GOLGA4: variants seen among roughly 807,000 people sequenced by gnomAD.
GOLGA4 encodes the protein golgin A4, also known as golgin subfamily A member 4.
In GOLGA4, 169 loss-of-function variants were observed where a neutral mutation model predicts 265.9. The observed-to-expected ratio is 0.64, with a 90% confidence interval of 0.56 to 0.72. GOLGA4 has a LOEUF of 0.72. GOLGA4 is among the 30% of genes least tolerant of loss of function. The pLI, the probability that GOLGA4 is intolerant of heterozygous loss-of-function variation, is 0.00. For synonymous variants in GOLGA4, 923 were observed against 855.8 expected (o/e 1.08, Z -1.37); for missense variants, 2,482 against 2,483.4 (o/e 1.00, Z 0.01).
chr3:37,312,062 T>C (rs2096924521), intron 10 of GOLGA4, among the ~76,000 whole-genome samples: 1 of 152,254 alleles, frequency 6.6e-6, no homozygotes, highest in Non-Finnish European at 1.5e-5. Context: ...ATTTAAACTC[T>C]TATTTTGCTG....
chr3:37,362,233 AT>A (rs1418209922), intron 23 of GOLGA4, among the ~76,000 whole-genome samples: 4,743 of 46,704 alleles, frequency 0.1, 235 homozygotes, highest in African/African-American at 0.18. Context: ...TTATTTATTT[AT>A]TTATTATTTT....
At chr3:37,290,760 T>A (rs960941967) in intron 5 of GOLGA4, among the ~76,000 whole-genome samples, 1 of 152,152 alleles carries the variant, frequency 6.6e-6, no homozygotes, top group East Asian at 1.9e-4. Context: ...CTCAGAAAAG[T>A]ATGCATGGGG....
intron 2 of GOLGA4, among the ~76,000 whole-genome samples, chr3:37,274,163 T>G (rs1271910924): frequency 6.6e-6 from 1 of 151,716 alleles, no homozygotes; most frequent in Non-Finnish European, 1.5e-5. Flanking sequence ...TGAAAAACTG[T>G]GATCTGAGTT....
intron 1 of GOLGA4, among the ~76,000 whole-genome samples, chr3:37,245,631 T>C (rs1403652586): frequency 6.6e-6 from 1 of 152,204 alleles, no homozygotes; most frequent in African/African-American, 2.4e-5. Flanking sequence ...AATAAGCTAG[T>C]CACAAACTAA....
rs756842123 is a variant in GOLGA4, at chr3:37,325,982, A to G, written c.4096A>G (p.Lys1366Glu). The change falls in exon 14 of 24, where the codon AAA (lysine) becomes GAA (glutamate). Residue 1366 changes from lysine to glutamate, a missense_variant. By Grantham distance (56) the Lys-to-Glu change is moderately conservative (BLOSUM62 1). This residue lies in a region of GOLGA4 where 942 missense variants were observed against 983.1 expected (regional missense o/e 0.96). Coordinates refer to ENST00000361924, the MANE Select transcript of GOLGA4 (RefSeq NM_002078.5). ...GATGAAAGAAGAGCTTAAAGAAAAA[A>G]AAGTTGAGATTAGCAGTCTTAGTAA... ...TLMKEELKEK[K>E]VEISSLSKQL... is the part of the protein sequence containing the mutation. The G allele has an allele frequency of 6.2e-7, 1 of 1,612,866 alleles. No individual in the cohort carries two copies. The highest frequency in any genetic ancestry group is 8.5e-7 in the Non-Finnish European group (1 of 1,179,340).
At chr3:37,295,285 A>G (rs1303677401) in intron 6 of GOLGA4, among the ~76,000 whole-genome samples, 1 of 152,136 alleles carries the variant, frequency 6.6e-6, no homozygotes, top group African/African-American at 2.4e-5. Flanking sequence ...TGGCGTGATC[A>G]TAGCTTAACT....
intron 6 of GOLGA4, among the ~76,000 whole-genome samples, chr3:37,295,750 G>C (rs1162179349): frequency 6.6e-6 from 1 of 152,146 alleles, no homozygotes; most frequent in Non-Finnish European, 1.5e-5. Flanking sequence ...CAACCAACTG[G>C]ATCAGAAATA....
chr3:37,323,273 C>CA (rs922189478), intron 13 of GOLGA4, among the ~76,000 whole-genome samples: 5 of 151,950 alleles, frequency 3.3e-5, no homozygotes, highest in African/African-American at 1.2e-4. Context: ...ACTACAGCCG[C>CA]ATGCTACCAT....
In GOLGA4 at chr3:37,325,043, C is replaced by T; in HGVS notation, c.3157C>T (p.Gln1053Ter). The T allele has an allele frequency of 6.2e-7, 1 of 1,612,784 alleles. No individual in the cohort carries two copies. The highest frequency in any genetic ancestry group is 8.5e-7 in the Non-Finnish European group (1 of 1,179,598). Residue 1053 changes from glutamine (Q) to a stop codon, truncating the protein, a stop_gained, in exon 14 of 24, where the codon CAG becomes TAG. Transcript: ENST00000361924. LOFTEE classifies it high-confidence loss of function. Reference protein sequence around the residue: ...VISIWEKKLNQQAEELQEIHE... With the variant: ...VISIWEKKLN ...ATCAATCTGGGAAAAGAAACTTAAT[C>T]AGCAAGCTGAAGAACTTCAGGAAAT...
chr3:37,320,746 CT>C (rs1388340603), intron 12 of GOLGA4, among the ~76,000 whole-genome samples: 2 of 152,120 alleles, frequency 1.3e-5, no homozygotes, highest in African/African-American at 4.8e-5. Context: ...GGTAACTGAC[CT>C]TTGGGGACAC....
chr3:37,293,573 G>GAAGT (rs1328575666), intron 5 of GOLGA4, among the ~76,000 whole-genome samples: 3 of 152,200 alleles, frequency 2.0e-5, no homozygotes, highest in Non-Finnish European at 4.4e-5. Context: ...GGGAACTAGT[G>GAAGT]AAGTATAGGA....
At chr3:37,321,683 C>T in intron 12 of GOLGA4, 48 bp from the exon 13 acceptor site, 1 of 1,530,500 alleles carries the variant, frequency 6.5e-7, no homozygotes, top group Non-Finnish European at 8.9e-7. Context: ...TTTGCGAATG[C>T]TGAAGATTTA....
At position 37,349,922 on chromosome 3, in the gene GOLGA4, C is replaced by T. The variant is rs190850903; in HGVS notation, c.6576+2626C>T. On this transcript the variant is annotated intron_variant, in intron 21 of 23. Transcript: ENST00000361924. ...AAAAGAAGACTATATATAGTACATA[C>T]GTTCTTGTAGTATGGAGTTAAGTAA... Among the ~76,000 whole-genome samples the T allele has an allele frequency of 6.8e-4, 103 of 152,232 alleles. 1 individual carries two copies. Among genetic ancestry groups the T allele is most frequent in the Non-Finnish European group, 4.4e-5 (3 of 67,996 alleles).
At chr3:37,335,014 TTTTC>T in intron 16 of GOLGA4, 35 bp from the exon 17 acceptor site, 1 of 1,310,124 alleles carries the variant, frequency 7.6e-7, no homozygotes, top group Non-Finnish European at 1.1e-6. Flanking sequence ...TGCTTCTTTT[TTTTC>T]TTTTCCTTTT....
At chr3:37,315,314 C>G (rs1418551956) in intron 10 of GOLGA4, 106 bp from the exon 11 acceptor site, 1 of 901,826 alleles carries the variant, frequency 1.1e-6, no homozygotes, top group Non-Finnish European at 1.7e-6. Context: ...AGTTTTTTAA[C>G]CTATCCTGCT....
At position 37,325,847 on chromosome 3, in the gene GOLGA4, G is replaced by T. The variant is rs1352742147; in HGVS notation, c.3961G>T (p.Glu1321Ter). 1 of 1,613,452 alleles carries T rather than the reference G, an allele frequency of 6.2e-7. No individual in the cohort carries two copies. The highest frequency in any genetic ancestry group is 2.2e-5 in the East Asian group (1 of 44,836). ...TATTGAAAGTCTTGTAACAGAAAAA[G>T]AAGCCTTACAGAAGGAAGGAGGCAA... ...ADIESLVTEK[E>*]ALQKEGGNQQ... Residue 1321 changes from glutamate (E) to a stop codon, truncating the protein, a stop_gained, in exon 14 of 24, where the codon GAA (glutamate) becomes TAA (stop). Coordinates refer to ENST00000361924, the MANE Select transcript of GOLGA4 (RefSeq NM_002078.5). LOFTEE classifies it high-confidence loss of function.
chr3:37,248,680 G>A (rs1216108835), intron 1 of GOLGA4, among the ~76,000 whole-genome samples: 3 of 152,204 alleles, frequency 2.0e-5, no homozygotes, highest in Admixed American at 1.3e-4. Flanking sequence ...CTTTTCTAGG[G>A]AGAGTATGTT....
At chr3:37,357,693 T>TG (rs2097094252) in intron 22 of GOLGA4, among the ~76,000 whole-genome samples, 4 of 152,192 alleles carry the variant, frequency 2.6e-5, no homozygotes, top group Admixed American at 1.3e-4. Flanking sequence ...CCATCATTCA[T>TG]AAAATGAGCA....
At position 37,341,125 on chromosome 3, in the gene GOLGA4, C is replaced by T. The variant is rs532646583; in HGVS notation, c.6472+926C>T. ...GAGGTTGCAGTGAGCCAAGATCATGCCATTGCACTAAAAAAAAAAATGATC... is the reference window on the plus strand; with the variant it reads ...GAGGTTGCAGTGAGCCAAGATCATGTCATTGCACTAAAAAAAAAAATGATC... On this transcript the variant is annotated intron_variant, in intron 20 of 23. Coordinates refer to ENST00000361924, the MANE Select transcript of GOLGA4 (RefSeq NM_002078.5). Among the ~76,000 whole-genome samples the T allele has an allele frequency of 4.6e-5, 7 of 152,108 alleles. 1 individual carries two copies. The highest frequency in any genetic ancestry group is 1.0e-4 in the Non-Finnish European group (7 of 67,978).
Sources: allele counts gnomAD v4.1 joint callset (sites outside exome capture counted in the v4.1 genomes callset), GRCh38; gene constraint gnomAD v4.1.1; regional missense constraint gnomAD v4.1.1; transcripts MANE v1.5; gene names NCBI Gene and HGNC (gene_info 2026-07-23, HGNC 2026-07-21).